Variants in KDM5A observed in about 807,000 individuals in gnomAD.
KDM5A encodes the protein lysine demethylase 5A.
KDM5A carries 42 observed loss-of-function variants against 193.5 expected under a neutral mutation model. That is an observed-to-expected ratio of 0.22 (90% CI 0.17 to 0.28). The LOEUF (loss-of-function observed/expected upper bound fraction) is 0.28, where lower values mean the gene tolerates loss of function less well. Ranked by LOEUF, KDM5A falls within the 10% of genes least tolerant of loss-of-function variation. The probability of loss-of-function intolerance (pLI) is 1.00; values close to 1 mark genes in which losing one functional copy is unlikely to be tolerated. For missense variants in KDM5A, 1,692 were observed against 2,055.1 expected (o/e 0.82, Z 3.42); for synonymous variants, 796 against 718.1 (o/e 1.11, Z -1.73).
At chr12:372,351 G>C (rs933660725) in intron 3 of KDM5A, among the ~76,000 whole-genome samples, 30 of 151,940 alleles carry the variant, frequency 2.0e-4, no homozygotes, top group African/African-American at 4.8e-4. Flanking sequence ...ATTTTATTCT[G>C]TTTGAAGCAA....
At chr12:343,335 TC>T in intron 10 of KDM5A, among the ~76,000 whole-genome samples, 1 of 152,194 alleles carries the variant, frequency 6.6e-6, no homozygotes, top group East Asian at 1.9e-4. Context: ...ACTCCACCTC[TC>T]TGGGCAGGGC....
chr12:358,845 G>A (rs1944258469), intron 5 of KDM5A, among the ~76,000 whole-genome samples: 1 of 151,978 alleles, frequency 6.6e-6, no homozygotes, highest in African/African-American at 2.4e-5. Flanking sequence ...GGTGGCAGGT[G>A]CCTATAACCC....
chr12:328,918 C>A lies in KDM5A; in HGVS notation c.1885G>T (p.Val629Leu), dbSNP rs758504046. 39 of 1,614,110 alleles carry A rather than the reference C, an allele frequency of 2.4e-5. No individual in the cohort carries two copies. Among genetic ancestry groups the A allele is most frequent in the Non-Finnish European group, 3.0e-5 (35 of 1,180,044 alleles). ...TTGCAGACCATGGCAGCCAGCCCCA[C>A]ATCTAAGCATTCTGGATCTGCTGCC... Reference protein sequence around the residue: ...KMAADPECLDVGLAAMVCKEL... With the variant: ...KMAADPECLDLGLAAMVCKEL... Residue 629 changes from valine to leucine, a missense_variant, in exon 14 of 28, where the codon GTG becomes TTG. By Grantham distance (32) the Val-to-Leu change is conservative. Transcript: ENST00000399788.
chr12:384,801 T>C (rs1944619626), intron 2 of KDM5A, among the ~76,000 whole-genome samples: 2 of 152,326 alleles, frequency 1.3e-5, no homozygotes, highest in South Asian at 4.1e-4. Flanking sequence ...ATTTCATCCA[T>C]ATGTAACATG....
rs966860464 is a variant in KDM5A, at chr12:280,957, G to A, written c.*4499C>T. On this transcript the variant is annotated 3_prime_UTR_variant, in exon 28 of 28. Transcript: ENST00000399788. ...AGAAACTGCTTTGGCACAGGTCAAAGGTGGCTCCCATATACTCACTAGTTT... is the reference window on the plus strand; with the variant it reads ...AGAAACTGCTTTGGCACAGGTCAAAAGTGGCTCCCATATACTCACTAGTTT... 5.2e-5 allele frequency: 12 copies of A among 232,926 alleles called. No homozygotes were observed. Among genetic ancestry groups the A allele is most frequent in the Non-Finnish European group, 8.5e-5 (10 of 117,932 alleles). 14.4% of individuals were successfully genotyped at this position (232,926 alleles called of 1,614,324 possible).
In KDM5A at chr12:285,035, T is replaced by C. The variant is rs989689977; in HGVS notation, c.*421A>G. On this transcript the variant is annotated 3_prime_UTR_variant, in exon 28 of 28. Transcript: ENST00000399788. ...TCCAATCCCTCTCCAACTATCCCAA[T>C]GAAGGAGATCCAAGCAATTAGCACC... 2 of 286,210 alleles carry C rather than the reference T, an allele frequency of 7.0e-6. No individual in the cohort carries two copies. The highest frequency in any genetic ancestry group is 1.3e-5 in the Non-Finnish European group (2 of 150,096). The allele number at this position is 286,210 out of a possible 1,614,324, so 17.7% of individuals were successfully genotyped here. A position where few individuals can be genotyped will look rare whatever the true frequency, so the allele number is the denominator to read the frequency against.
At chr12:289,907 C>CTTTTTTTTTTTTTTT (rs750918968) in intron 27 of KDM5A, among the ~76,000 whole-genome samples, 122 of 99,608 alleles carry the variant, frequency 1.2e-3, no homozygotes, top group African/African-American at 4.6e-3. Flanking sequence ...TTCTTTCTTT[C>CTTTTTTTTTTTTTTT]TTTTTTTTTT....
chr12:345,579 T>G (rs975305170), intron 10 of KDM5A, among the ~76,000 whole-genome samples: 6 of 152,198 alleles, frequency 3.9e-5, no homozygotes, highest in African/African-American at 1.4e-4. Flanking sequence ...CAGACCACAG[T>G]GCAATCAAAT....
At chr12:383,810 G>A (rs190624681) in intron 3 of KDM5A, among the ~76,000 whole-genome samples, 18 of 151,134 alleles carry the variant, frequency 1.2e-4, no homozygotes, top group East Asian at 3.9e-4. Flanking sequence ...GTACAATGGC[G>A]CGATCTCAGC....
At chr12:368,421 G>C (rs764002107) in intron 3 of KDM5A, among the ~76,000 whole-genome samples, 1 of 152,152 alleles carries the variant, frequency 6.6e-6, no homozygotes, top group African/African-American at 2.4e-5. Flanking sequence ...TCAAATTTCA[G>C]TTCTGTCACT....
chr12:384,678 T>C (rs1944617896), intron 2 of KDM5A, among the ~76,000 whole-genome samples: 1 of 152,234 alleles, frequency 6.6e-6, no homozygotes, highest in Non-Finnish European at 1.5e-5. Context: ...TACTCTGATT[T>C]ATGTAAAAAG....
chr12:337,046 A>G (rs891426873), intron 10 of KDM5A, among the ~76,000 whole-genome samples: 1 of 152,162 alleles, frequency 6.6e-6, no homozygotes, highest in African/African-American at 2.4e-5. Context: ...TGACCGGATC[A>G]TGTGGGCAGA....
At chr12:356,867 G>A (rs1944234779) in intron 5 of KDM5A, among the ~76,000 whole-genome samples, 1 of 152,172 alleles carries the variant, frequency 6.6e-6, no homozygotes, top group South Asian at 2.1e-4. Context: ...TGATTAGAGG[G>A]CATCTCAGGA....
intron 18 of KDM5A, among the ~76,000 whole-genome samples, chr12:320,334 A>G (rs1943701923): frequency 6.6e-6 from 1 of 152,090 alleles, no homozygotes; most frequent in African/African-American, 2.4e-5. Flanking sequence ...CACCTCTACT[A>G]AAACTATAAA....
intron 3 of KDM5A, among the ~76,000 whole-genome samples, chr12:370,749 A>C (rs538085700): frequency 2.0e-4 from 31 of 152,304 alleles, no homozygotes; most frequent in African/African-American, 7.0e-4. Flanking sequence ...ATATCTCCTA[A>C]TGCTATCCCT....
intron 10 of KDM5A, among the ~76,000 whole-genome samples, chr12:346,478 C>G (rs1318553026): frequency 2.0e-5 from 3 of 152,142 alleles, no homozygotes; most frequent in Non-Finnish European, 4.4e-5. Context: ...AATTTTAGAC[C>G]AATATCCCTG....
At chr12:340,361 C>T (rs951381455) in intron 10 of KDM5A, among the ~76,000 whole-genome samples, 2 of 152,082 alleles carry the variant, frequency 1.3e-5, no homozygotes, top group African/African-American at 4.8e-5. Context: ...TATCCCATGG[C>T]AACCTCATGT....
intron 10 of KDM5A, among the ~76,000 whole-genome samples, chr12:347,283 T>C (rs1944090565): frequency 6.6e-6 from 1 of 152,096 alleles, no homozygotes; most frequent in Non-Finnish European, 1.5e-5. Flanking sequence ...AATGGAAGAA[T>C]ATTCCATGCT....
intron 9 of KDM5A, among the ~76,000 whole-genome samples, chr12:351,538 A>G (rs538192063): frequency 2.9e-4 from 44 of 152,264 alleles, no homozygotes; most frequent in African/African-American, 1.0e-3. Flanking sequence ...TTTGACAGGG[A>G]CTAAAAAAGC....
Sources: gnomAD v4.1 joint callset for allele counts (sites outside exome capture counted in the v4.1 genomes callset) on GRCh38, gnomAD v4.1.1 for gene constraint, MANE v1.5 for transcripts, NCBI Gene and HGNC (gene_info 2026-07-23, HGNC 2026-07-21) for gene names.